LONRF1: variants seen among roughly 807,000 people sequenced by gnomAD.
LONRF1 encodes LON peptidase N-terminal domain and RING finger protein 1.
LONRF1 carries 37 observed loss-of-function variants against 85.8 expected under a neutral mutation model. The ratio of observed to expected loss-of-function variants is 0.43; its 90% confidence interval spans 0.33 to 0.57. The LOEUF (loss-of-function observed/expected upper bound fraction) is 0.57, where lower values mean the gene tolerates loss of function less well. Among genes scored for constraint, LONRF1 ranks in the 20% least tolerant of loss-of-function variants. The probability of loss-of-function intolerance (pLI) is 0.04; values close to 1 mark genes in which losing one functional copy is unlikely to be tolerated. For missense variants in LONRF1, 1,036 were observed against 978.0 expected (o/e 1.06, Z -0.79); for synonymous variants, 517 against 390.1 (o/e 1.33, Z -3.83).
chr8:12,742,582 T>C (rs1006142975), intron 2 of LONRF1, among the ~76,000 whole-genome samples: 2 of 152,216 alleles, frequency 1.3e-5, no homozygotes, highest in African/African-American at 4.8e-5. Context: ...TTTGTATCCA[T>C]CTTCACAATA....
At chr8:12,738,660 T>C (rs1300739403) in intron 3 of LONRF1, 2 of 152,186 alleles carry the variant, frequency 1.3e-5, no homozygotes, top group Admixed American at 6.5e-5. Flanking sequence ...TGCTGCCCAA[T>C]ACTTGGTTAG....
In LONRF1 at chr8:12,736,807, CA is replaced by C; in HGVS notation, c.1355-11del. The C allele has an allele frequency of 6.3e-7, 1 of 1,597,510 alleles. No individual in the cohort carries two copies. The highest frequency in any genetic ancestry group is 8.5e-7 in the Non-Finnish European group (1 of 1,172,468). Reference sequence around the variant, plus strand: ...ACTTCATTGGGAGTTTCTATTAAAACAAAGACATGGGGTTTTCTTCCTTAGG... The same window carrying C: ...ACTTCATTGGGAGTTTCTATTAAAACAAGACATGGGGTTTTCTTCCTTAGG... On this transcript the variant is annotated splice_polypyrimidine_tract_variant and intron_variant, in intron 5 of 11. Coordinates refer to ENST00000398246, the MANE Select transcript of LONRF1 (RefSeq NM_152271.5).
intron 1 of LONRF1, 90 bp downstream of exon 1, chr8:12,754,610 C>T: frequency 2.2e-5 from 27 of 1,231,202 alleles, no homozygotes; most frequent in Non-Finnish European, 2.7e-5. Context: ...GCAGAGGAGA[C>T]TCTCGGGGCG....
intron 3 of LONRF1, 76 bp downstream of exon 3, chr8:12,740,798 T>C (rs1300731603): frequency 6.5e-7 from 1 of 1,536,968 alleles, no homozygotes; most frequent in Non-Finnish European, 8.8e-7. Flanking sequence ...TTATTCCAAC[T>C]TTTATTAGCT....
At chr8:12,733,976 G>C (rs969703759) in intron 7 of LONRF1, among the ~76,000 whole-genome samples, 2 of 152,042 alleles carry the variant, frequency 1.3e-5, no homozygotes, top group Admixed American at 6.5e-5. Flanking sequence ...TCAATCTCCA[G>C]ACATTTTTTA....
chr8:12,746,100 A>C (rs1563155189), intron 1 of LONRF1, among the ~76,000 whole-genome samples: 1 of 152,030 alleles, frequency 6.6e-6, no homozygotes. Context: ...ACCTCCTATG[A>C]TATTCCTCAA....
chr8:12,734,934 T>A (rs1454568147), intron 7 of LONRF1, among the ~76,000 whole-genome samples: 1 of 152,102 alleles, frequency 6.6e-6, no homozygotes, highest in African/African-American at 2.4e-5. Context: ...AGTCCTCACA[T>A]CTGGCTTATT....
intron 11 of LONRF1, among the ~76,000 whole-genome samples, chr8:12,724,429 G>C (rs1052582062): frequency 6.6e-6 from 1 of 152,222 alleles, no homozygotes; most frequent in Non-Finnish European, 1.5e-5. Context: ...GGCTGTTTCT[G>C]ATGCAGGATC....
chr8:12,749,498 C>T lies in LONRF1; in HGVS notation c.721+5202G>A, dbSNP rs116624832. ...ATACAAATTCATTTAAAATTTTACTCGAGATTTTCCAAGGCTCTTAGAAAT... is the reference window on the plus strand; with the variant it reads ...ATACAAATTCATTTAAAATTTTACTTGAGATTTTCCAAGGCTCTTAGAAAT... On this transcript the variant is annotated intron_variant, in intron 1 of 11. Transcript: ENST00000398246. Among the ~76,000 whole-genome samples, 841 of 152,212 alleles carry T rather than the reference C, an allele frequency of 5.5e-3. 5 individuals are homozygous for T. The highest frequency in any genetic ancestry group is 0.019 in the African/African-American group (809 of 41,536).
intron 3 of LONRF1, among the ~76,000 whole-genome samples, chr8:12,738,478 A>G (rs150794574): frequency 6.6e-6 from 1 of 152,330 alleles, no homozygotes; most frequent in African/African-American, 2.4e-5. Flanking sequence ...AATCTTAGTG[A>G]GCCCTATGCT....
chr8:12,744,395 T>A (rs1425437483), intron 1 of LONRF1, among the ~76,000 whole-genome samples: 1 of 152,114 alleles, frequency 6.6e-6, no homozygotes, highest in African/African-American at 2.4e-5. Context: ...AAAAATGTTT[T>A]ACTTGTTAAA....
At chr8:12,732,084 A>T (rs1322043020) in intron 7 of LONRF1, among the ~76,000 whole-genome samples, 1 of 152,210 alleles carries the variant, frequency 6.6e-6, no homozygotes, top group African/African-American at 2.4e-5. Flanking sequence ...CAAGCCCTGT[A>T]CAGAAGAACT....
intron 10 of LONRF1, among the ~76,000 whole-genome samples, chr8:12,726,853 T>C (rs1376121993): frequency 6.6e-6 from 1 of 152,198 alleles, no homozygotes; most frequent in Non-Finnish European, 1.5e-5. Context: ...CTTTTTACTT[T>C]TGAAAGATTT....
chr8:12,741,034 G>C (rs755270104), intron 2 of LONRF1, 38 bp from the exon 3 acceptor site: 7 of 1,599,462 alleles, frequency 4.4e-6, no homozygotes, highest in Non-Finnish European at 3.4e-6. Flanking sequence ...TTTGTGTTAA[G>C]AATTGCTTTT....
At chr8:12,754,547 A>C (rs937662246) in intron 1 of LONRF1, among the ~76,000 whole-genome samples, 153 bp downstream of exon 1, 1 of 146,198 alleles carries the variant, frequency 6.8e-6, no homozygotes, top group South Asian at 2.2e-4. Context: ...CCCCTCCCAC[A>C]CCCCCCAGCA....
intron 2 of LONRF1, among the ~76,000 whole-genome samples, chr8:12,741,361 G>GTGACGGAGTAAGACTC: frequency 6.6e-6 from 1 of 152,172 alleles, no homozygotes; most frequent in Non-Finnish European, 1.5e-5. Context: ...TCCAGCCTGG[G>GTGACGGAGTAAGACTC]TGACGGAGTA....
intron 3 of LONRF1, among the ~76,000 whole-genome samples, chr8:12,740,162 G>A (rs1397118127): frequency 6.6e-6 from 1 of 152,170 alleles, no homozygotes; most frequent in Admixed American, 6.5e-5. Flanking sequence ...TTTTGAGTAT[G>A]TGCAGGAAAG....
At chr8:12,749,777 G>A (rs1039172531) in intron 1 of LONRF1, among the ~76,000 whole-genome samples, 1 of 152,024 alleles carries the variant, frequency 6.6e-6, no homozygotes, top group African/African-American at 2.4e-5. Flanking sequence ...ATGAATCAAA[G>A]AAAATAATTA....
intron 1 of LONRF1, among the ~76,000 whole-genome samples, 162 bp from the exon 2 acceptor site, chr8:12,743,444 T>A (rs997130765): frequency 7.9e-5 from 12 of 152,246 alleles, no homozygotes; most frequent in Non-Finnish European, 1.8e-4. Flanking sequence ...CAACCCATTT[T>A]ACGTGTTGAA....
Sources: gnomAD v4.1 joint callset for allele counts (sites outside exome capture counted in the v4.1 genomes callset) on GRCh38, gnomAD v4.1.1 for gene constraint, MANE v1.5 for transcripts, NCBI Gene and HGNC (gene_info 2026-07-23, HGNC 2026-07-21) for gene names.